SATB1: variants seen among roughly 807,000 people sequenced by gnomAD.
The protein encoded by SATB1 is SATB homeobox 1.
Under a neutral mutation model 86.9 loss-of-function variants are expected in SATB1, and 11 were observed. The ratio of observed to expected loss-of-function variants is 0.13; its 90% CI spans 0.08 to 0.21. The LOEUF (loss-of-function observed/expected upper bound fraction) is 0.21, where lower values mean the gene tolerates loss of function less well. SATB1 is among the 10% of genes least tolerant of loss of function. The pLI, the probability that SATB1 is intolerant of heterozygous loss-of-function variation, is 1.00. For missense variants in SATB1, 551 were observed against 937.6 expected (o/e 0.59, Z 5.39); for synonymous variants, 357 against 357.2 (o/e 1.00, Z 0.01).
chr3:18,415,328 C>CTGTTTGATGCGCA, intron 4 of SATB1, 94 bp from the exon 5 acceptor site: 1 of 1,405,366 alleles, frequency 7.1e-7, no homozygotes, highest in Non-Finnish European at 9.9e-7. Flanking sequence ...TTTTGCGCAT[C>CTGTTTGATGCGCA]AAACAGATGC....
intron 1 of SATB1, among the ~76,000 whole-genome samples, chr3:18,422,766 G>A (rs1250111265): frequency 1.3e-5 from 2 of 152,090 alleles, no homozygotes; most frequent in East Asian, 3.9e-4. Flanking sequence ...TAGCCCTTGG[G>A]GCAATTTAAG....
In SATB1 at chr3:18,424,134, AT is replaced by A. The variant is rs1396643041; in HGVS notation, c.-533del. On this transcript the variant is annotated 5_prime_UTR_variant, in exon 1 of 11. Coordinates refer to ENST00000338745, the MANE Select transcript of SATB1 (RefSeq NM_002971.6). ...TGAGGATTCTCTTAAAAAAAAAAAAATCACTGCGGACAAGGTCTCCAAAAAG... is the reference window on the plus strand; with the variant it reads ...TGAGGATTCTCTTAAAAAAAAAAAAACACTGCGGACAAGGTCTCCAAAAAG... 4 of 151,958 alleles carry A rather than the reference AT, an allele frequency of 2.6e-5. No individual in the cohort carries two copies. The highest frequency in any genetic ancestry group is 5.9e-5 in the Non-Finnish European group (4 of 68,136). The allele number at this position is 151,958 out of a possible 1,614,324, so 9.4% of individuals were successfully genotyped here. A position where few individuals can be genotyped will look rare whatever the true frequency, so the allele number is the denominator to read the frequency against.
At position 18,417,023 on chromosome 3, in the gene SATB1, A is replaced by C; in HGVS notation, c.267T>G (p.Tyr89Ter). ...VVEHYENAIE[Y>*]DCKEEHAEFV... ...ATTCTGCATGCTCCTCCTTGCAATC[A>C]TATTCAATGGCGTTTTCATAATGTT... is the stretch of plus-strand genomic sequence containing the variant. Residue 89 changes from tyrosine (Y) to a stop codon, truncating the protein, a stop_gained, in exon 3 of 11, where the codon TAT becomes TAG. Transcript: ENST00000338745. LOFTEE classifies it high-confidence loss of function. 6.2e-7 allele frequency: 1 copy of C among 1,613,634 alleles called. No individual in the cohort carries two copies. The highest frequency in any genetic ancestry group is 8.5e-7 in the Non-Finnish European group (1 of 1,179,696).
intron 9 of SATB1, among the ~76,000 whole-genome samples, chr3:18,370,455 G>A (rs1337960850): frequency 8.8e-6 from 1 of 114,056 alleles, no homozygotes; most frequent in Non-Finnish European, 1.7e-5. Flanking sequence ...TAAAATTGGG[G>A]AAAAGTATCT....
chr3:18,367,919 T>C (rs535884675), intron 9 of SATB1, among the ~76,000 whole-genome samples: 2 of 152,314 alleles, frequency 1.3e-5, no homozygotes, highest in South Asian at 4.1e-4. Flanking sequence ...TTGCAAAAAG[T>C]GACTGAACTT....
chr3:18,374,476 C>A (rs776767055), intron 9 of SATB1, among the ~76,000 whole-genome samples: 1 of 152,092 alleles, frequency 6.6e-6, no homozygotes, highest in Admixed American at 6.6e-5. Flanking sequence ...TATTTGAATA[C>A]CCAGAATATA....
chr3:18,355,223 C>T (rs906317657), intron 9 of SATB1, among the ~76,000 whole-genome samples: 2 of 151,942 alleles, frequency 1.3e-5, no homozygotes, highest in African/African-American at 4.8e-5. Flanking sequence ...GGAAAACAGA[C>T]ATTTTGACAC....
intron 7 of SATB1, among the ~76,000 whole-genome samples, chr3:18,391,287 T>C (rs1049013327): frequency 5.3e-5 from 8 of 152,328 alleles, no homozygotes; most frequent in African/African-American, 1.9e-4. Context: ...GTGTTTTCTA[T>C]CATATTAAGG....
intron 7 of SATB1, among the ~76,000 whole-genome samples, chr3:18,389,645 T>C (rs1696538997): frequency 6.6e-6 from 1 of 152,080 alleles, no homozygotes; most frequent in Non-Finnish European, 1.5e-5. Flanking sequence ...AAAAATAGTA[T>C]GAAAAGGCCA....
In SATB1 at chr3:18,397,184, A is replaced by G; in HGVS notation, c.746T>C (p.Met249Thr). Residue 249 changes from methionine to threonine, a missense_variant, in exon 6 of 11, where the codon ATG becomes ACG. Coordinates refer to ENST00000338745, the MANE Select transcript of SATB1 (RefSeq NM_002971.6). ...WYKHFKKTKD[M>T]MVEMDSLSEL... Reference sequence around the variant, plus strand: ...GCAATGTTTTTTTTGCTTACCCATCATATCTTTTGTCTTCTTGAAATGTTT... The same window carrying G: ...GCAATGTTTTTTTTGCTTACCCATCGTATCTTTTGTCTTCTTGAAATGTTT... 6.3e-7 allele frequency: 1 copy of G among 1,578,392 alleles called. No homozygotes were observed. The highest frequency in any genetic ancestry group is 8.7e-7 in the Non-Finnish European group (1 of 1,147,580).
intron 2 of SATB1, among the ~76,000 whole-genome samples, chr3:18,436,532 A>C (rs954308135): frequency 6.6e-6 from 1 of 151,942 alleles, no homozygotes; most frequent in Admixed American, 6.6e-5. Context: ...AAAATCATCC[A>C]ATTATCCAGA....
chr3:18,422,714 G>C (rs1434259338), intron 1 of SATB1, among the ~76,000 whole-genome samples: 3 of 152,156 alleles, frequency 2.0e-5, no homozygotes, highest in Non-Finnish European at 2.9e-5. Context: ...TCCTAGAGCA[G>C]AAGATGAATT....
chr3:18,417,138 G>C, intron 2 of SATB1, 60 bp from the exon 3 acceptor site: 1 of 1,539,270 alleles, frequency 6.5e-7, no homozygotes. Flanking sequence ...ATACAGCTTG[G>C]GGGTGGCGGG....
intron 8 of SATB1, among the ~76,000 whole-genome samples, chr3:18,383,810 T>C (rs558524138): frequency 1.2e-3 from 179 of 152,288 alleles, no homozygotes; most frequent in African/African-American, 4.2e-3. Flanking sequence ...TAATTTTGCA[T>C]TGATAATACC....
At chr3:18,425,816 A>T (rs1047838476), upstream of SATB1, among the ~76,000 whole-genome samples, 1 of 63,424 alleles carries the variant, frequency 1.6e-5, no homozygotes, top group African/African-American at 6.1e-5. Context: ...TGTGAGTGGG[A>T]GGGAGGAGGG....
chr3:18,352,836 ATG>A lies in SATB1; in HGVS notation c.1576-643_1576-642del. On this transcript the variant is annotated intron_variant, in intron 9 of 10. Coordinates refer to ENST00000338745, the MANE Select transcript of SATB1 (RefSeq NM_002971.6). This position sits in a 1 kb window ranked among gnomAD's most constrained non-coding sequence, Gnocchi z 4.1. ...TTTCCGCCTGCTGCAGTGGGAGCATATGATTTGTCAGGCAAGAATTTAATAGG... is the reference window on the plus strand; with the variant it reads ...TTTCCGCCTGCTGCAGTGGGAGCATAATTTGTCAGGCAAGAATTTAATAGG... The A allele has an allele frequency of 6.6e-6, 1 of 152,556 alleles. No homozygotes were observed. The highest frequency in any genetic ancestry group is 1.5e-5 in the Non-Finnish European group (1 of 68,330). The allele number at this position is 152,556 out of a possible 1,614,324, so 9.5% of individuals were successfully genotyped here.
At chr3:18,376,716 A>G (rs1695776445) in intron 9 of SATB1, among the ~76,000 whole-genome samples, 2 of 152,154 alleles carry the variant, frequency 1.3e-5, no homozygotes, top group Non-Finnish European at 1.5e-5. Flanking sequence ...AGAGCCCTGT[A>G]ATTTCCAATC....
Position 18,423,736 on chromosome 3 carries a change from T to G in SATB1, c.-134A>C, listed in dbSNP as rs575795486. 1.1e-5 allele frequency: 1 copy of G among 91,054 alleles called. No homozygotes were observed. Among genetic ancestry groups the G allele is most frequent in the South Asian group, 4.7e-4 (1 of 2,116 alleles). The allele number at this position is 91,054 out of a possible 1,614,324, so 5.6% of individuals were successfully genotyped here. A position where few individuals can be genotyped will look rare whatever the true frequency, so the allele number is the denominator to read the frequency against. On this transcript the variant is annotated 5_prime_UTR_variant, in exon 1 of 11. Transcript: ENST00000338745. ...TGATGTTTTCTATGTCCTTTTTTTT[T>G]TTAATTAAAAAAAAAAAAATAAAAA...
upstream of SATB1, among the ~76,000 whole-genome samples, chr3:18,428,764 T>C (rs115308268): frequency 0.01 from 1,555 of 152,330 alleles, 29 homozygotes; most frequent in African/African-American, 0.036. Flanking sequence ...ACACACAAAA[T>C]TTTTAAAAAC....
Sources: gnomAD v4.1 joint callset for allele counts (sites outside exome capture counted in the v4.1 genomes callset) on GRCh38, gnomAD v4.1.1 for gene constraint, Gnocchi (gnomAD v3.1) non-coding constraint, MANE v1.5 for transcripts, NCBI Gene and HGNC (gene_info 2026-07-23, HGNC 2026-07-21) for gene names.